Variants in ZFPM2 observed in about 807,000 individuals in gnomAD.
ZFPM2 encodes zinc finger protein ZFPM2.
In ZFPM2, 20 loss-of-function variants were observed where a neutral mutation model predicts 98.6. The observed-to-expected ratio is 0.20, with a 90% CI of 0.14 to 0.29. The LOEUF is 0.29. Among genes scored for constraint, ZFPM2 ranks in the 10% least tolerant of loss-of-function variants. ZFPM2 has a pLI of 1.00. For synonymous variants in ZFPM2, 518 were observed against 502.7 expected (o/e 1.03, Z -0.41); for missense variants, 1,310 against 1,388.6 (o/e 0.94, Z 0.90).
chr8:105,802,992 A>G lies in ZFPM2; in HGVS notation c.2910A>G (p.Gly970=). 6.2e-7 allele frequency: 1 copy of G among 1,613,028 alleles called. No individual in the cohort carries two copies. The highest frequency in any genetic ancestry group is 8.5e-7 in the Non-Finnish European group (1 of 1,179,466). ...TTCTTCCACAATGCCTTTACCCTGG[A>G]GCAATAAAGAAAGCAAAAGGAGCCG... The part of the protein sequence containing the change: ...HLFLPQCLYP[G]AIKKAKGADQ... Residue 970 remains glycine (G), a synonymous_variant, in exon 8 of 8, where the codon GGA becomes GGG. Coordinates refer to ENST00000407775, the MANE Select transcript of ZFPM2 (RefSeq NM_012082.4).
chr8:105,382,886 G>A (rs1441178295), intron 1 of ZFPM2, among the ~76,000 whole-genome samples: 9 of 152,030 alleles, frequency 5.9e-5, no homozygotes, highest in Admixed American at 5.2e-4. Context: ...CTTTGGTGAC[G>A]ATGATGACGA....
intron 5 of ZFPM2, among the ~76,000 whole-genome samples, chr8:105,690,369 G>A (rs1408819140): frequency 6.6e-6 from 1 of 152,134 alleles, no homozygotes; most frequent in African/African-American, 2.4e-5. Context: ...AACAATTGAG[G>A]AAACAGATTT....
chr8:105,722,019 T>C (rs1811680480), intron 5 of ZFPM2, among the ~76,000 whole-genome samples: 1 of 151,852 alleles, frequency 6.6e-6, no homozygotes, highest in Non-Finnish European at 1.5e-5. Context: ...AAATTGGTAA[T>C]GTTTTTGATA....
intron 5 of ZFPM2, among the ~76,000 whole-genome samples, chr8:105,774,997 C>T (rs1813065820): frequency 6.6e-6 from 1 of 151,500 alleles, no homozygotes; most frequent in Non-Finnish European, 1.5e-5. Context: ...CTTGGATCCA[C>T]CCAGCCCTTC....
At chr8:105,748,398 G>A (rs951246769) in intron 5 of ZFPM2, among the ~76,000 whole-genome samples, 2 of 152,078 alleles carry the variant, frequency 1.3e-5, no homozygotes, top group African/African-American at 4.8e-5. Context: ...GGTTTAGAAT[G>A]TAAATGCATT....
chr8:105,496,496 T>A (rs1813470061), intron 3 of ZFPM2, among the ~76,000 whole-genome samples: 1 of 152,054 alleles, frequency 6.6e-6, no homozygotes, highest in South Asian at 2.1e-4. Context: ...GGGGCAAGAA[T>A]AAAACAAAAA....
intron 3 of ZFPM2, among the ~76,000 whole-genome samples, chr8:105,517,710 CACACACACACACA>C (rs1563695426): frequency 4.4e-4 from 42 of 95,116 alleles, no homozygotes; most frequent in African/African-American, 9.2e-5. Context: ...ACACACACCA[CACACACACACACA>C]CACACACACA....
intron 3 of ZFPM2, among the ~76,000 whole-genome samples, chr8:105,519,999 A>G (rs367691086): frequency 2.5e-3 from 385 of 152,150 alleles, no homozygotes; most frequent in Non-Finnish European, 3.7e-3. Flanking sequence ...TTTCTAACTA[A>G]AAAAAATTGT....
chr8:105,412,560 A>G (rs1811598030), intron 1 of ZFPM2, among the ~76,000 whole-genome samples: 1 of 151,792 alleles, frequency 6.6e-6, no homozygotes, highest in South Asian at 2.1e-4. Context: ...AAAAATCAAC[A>G]TTCTTCTGGC....
Position 105,690,029 on chromosome 8 carries a change from C to G in ZFPM2, c.532+55672C>G, listed in dbSNP as rs1250034459. Among the ~76,000 whole-genome samples, 3 of 152,176 alleles carry G rather than the reference C, an allele frequency of 2.0e-5. No homozygotes were observed. The East Asian group carries it at 5.8e-4, about 29-fold the overall frequency. ...ATTAGGAGGCAGAAGAACCTCTAAACTTTTATCCATCTCTGTATCCTGCAC... is the reference window on the plus strand; with the variant it reads ...ATTAGGAGGCAGAAGAACCTCTAAAGTTTTATCCATCTCTGTATCCTGCAC... On this transcript the variant is annotated intron_variant, in intron 5 of 7. Transcript: ENST00000407775.
chr8:105,506,761 G>A (rs1375375351), intron 3 of ZFPM2, among the ~76,000 whole-genome samples: 1 of 152,140 alleles, frequency 6.6e-6, no homozygotes, highest in Admixed American at 6.5e-5. Flanking sequence ...GCTGAGGCGG[G>A]CGGATCACGA....
intron 5 of ZFPM2, among the ~76,000 whole-genome samples, chr8:105,745,364 A>G (rs1812318390): frequency 6.6e-6 from 1 of 152,166 alleles, no homozygotes; most frequent in South Asian, 2.1e-4. Context: ...CTATTCATGC[A>G]TGTATTTACT....
At chr8:105,482,346 T>C (rs1813136729) in intron 3 of ZFPM2, among the ~76,000 whole-genome samples, 2 of 152,202 alleles carry the variant, frequency 1.3e-5, no homozygotes, top group South Asian at 2.1e-4. Context: ...CTTTTTTAGA[T>C]GTACTTCATG....
intron 3 of ZFPM2, among the ~76,000 whole-genome samples, chr8:105,487,812 G>A (rs1414334054): frequency 1.3e-5 from 2 of 151,984 alleles, no homozygotes; most frequent in African/African-American, 4.8e-5. Context: ...GTTTTATTAA[G>A]TAATTATTTG....
At chr8:105,403,990 TAAAACAACAACAACAA>T (rs1276684023) in intron 1 of ZFPM2, among the ~76,000 whole-genome samples, 2 of 127,660 alleles carry the variant, frequency 1.6e-5, no homozygotes, top group Non-Finnish European at 1.6e-5. Flanking sequence ...TTATTGGTGT[TAAAACAACAACAACAA>T]CAACAACAAC....
chr8:105,529,743 C>G (rs1468646697), intron 3 of ZFPM2, among the ~76,000 whole-genome samples: 2 of 151,490 alleles, frequency 1.3e-5, no homozygotes, highest in Non-Finnish European at 2.9e-5. Flanking sequence ...TTTCTTTCTT[C>G]TTTTTGAGAT....
chr8:105,562,279 C>T (rs1043459570), intron 4 of ZFPM2, among the ~76,000 whole-genome samples: 13 of 151,850 alleles, frequency 8.6e-5, no homozygotes, highest in Non-Finnish European at 1.8e-4. Flanking sequence ...CATTGCATTC[C>T]AGCCTGGGTG....
intron 1 of ZFPM2, among the ~76,000 whole-genome samples, chr8:105,404,629 G>A (rs1237653833): frequency 2.0e-5 from 3 of 151,954 alleles, no homozygotes; most frequent in Non-Finnish European, 4.4e-5. Flanking sequence ...CTCAGTGAAG[G>A]AACTTCTTTC....
intron 6 of ZFPM2, among the ~76,000 whole-genome samples, chr8:105,795,351 TCACA>T (rs34036735): frequency 0.16 from 23,129 of 145,412 alleles, 3,258 homozygotes; most frequent in African/African-American, 0.38. Context: ...TTCCTGAATG[TCACA>T]CACACACACA....
Sources: allele counts gnomAD v4.1 joint callset (sites outside exome capture counted in the v4.1 genomes callset), GRCh38; gene constraint gnomAD v4.1.1; transcripts MANE v1.5; gene names NCBI Gene and HGNC (gene_info 2026-07-23, HGNC 2026-07-21).